TFPI2: variants seen among roughly 807,000 people sequenced by gnomAD.
TFPI2 encodes placental protein 5.
TFPI2 carries 23 observed loss-of-function variants against 23.1 expected under a neutral mutation model. The ratio of observed to expected loss-of-function variants is 1.00; its 90% CI spans 0.72 to 1.41. TFPI2 has a LOEUF of 1.41. Ranked by LOEUF, TFPI2 falls within the 40% of genes most tolerant of loss-of-function variation. TFPI2 has a pLI of 0.00. For missense variants in TFPI2, 291 were observed against 299.6 expected, an observed-to-expected ratio of 0.97 and a Z score of 0.21; for synonymous variants, 119 against 111.7, an observed-to-expected ratio of 1.07 and a Z score of -0.41.
intron 3 of TFPI2, among the ~76,000 whole-genome samples, chr7:93,888,589 G>GGAGAGAGAA (rs138314368): frequency 9.7e-6 from 1 of 103,286 alleles, no homozygotes; most frequent in Non-Finnish European, 1.8e-5. Context: ...AGGAAGGAAA[G>GGAGAGAGAA]AGAAAGAAAG....
At chr7:93,888,201 G>A (rs948389759) in intron 3 of TFPI2, among the ~76,000 whole-genome samples, 2 of 152,078 alleles carry the variant, frequency 1.3e-5, no homozygotes, top group South Asian at 2.1e-4. Context: ...AAATCTAACC[G>A]AAAACTTTAG....
intron 3 of TFPI2, among the ~76,000 whole-genome samples, chr7:93,888,082 G>C (rs1020209466): frequency 2.6e-5 from 4 of 152,176 alleles, no homozygotes; most frequent in African/African-American, 7.2e-5. Context: ...CTACTCAAGA[G>C]ACTATCATTT....
chr7:93,889,315 G>A, intron 2 of TFPI2, 92 bp from the exon 3 acceptor site: 1 of 1,211,160 alleles, frequency 8.3e-7, no homozygotes, highest in Non-Finnish European at 1.1e-6. Flanking sequence ...TGTGGGGGGA[G>A]AGAAGTTGTA....
intron 1 of TFPI2, 100 bp downstream of exon 1, chr7:93,890,491 C>G (rs76645328): frequency 0.028 from 40,923 of 1,464,596 alleles, 1,542 homozygotes; most frequent in East Asian, 0.2. Context: ...CGGCAGGGAC[C>G]TGGAGAAAGC....
Position 93,885,661 on chromosome 7 carries a change from T to C in TFPI2, c.*1159A>G, listed in dbSNP as rs1584073356. ...GAGTCAGAAGATATGCATATATAGATATTTTGCTAACTCCTCATCCATAAA... is the reference window on the plus strand; with the variant it reads ...GAGTCAGAAGATATGCATATATAGACATTTTGCTAACTCCTCATCCATAAA... On this transcript the variant is annotated 3_prime_UTR_variant, in exon 5 of 5. Transcript: ENST00000222543. 2 of 152,034 alleles carry C rather than the reference T, an allele frequency of 1.3e-5. No homozygotes were observed. Among genetic ancestry groups the C allele is most frequent in the African/African-American group, 4.8e-5 (2 of 41,426 alleles). 9.4% of individuals were successfully genotyped at this position (152,034 alleles called of 1,614,324 possible). A position where few individuals can be genotyped will look rare whatever the true frequency, so the allele number is the denominator to read the frequency against.
intron 4 of TFPI2, 120 bp downstream of exon 4, chr7:93,887,141 T>G: frequency 9.9e-7 from 1 of 1,012,416 alleles, no homozygotes; most frequent in Non-Finnish European, 1.4e-6. Flanking sequence ...GAGATACTTA[T>G]GTAGAAGTAG....
chr7:93,889,842 A>ACCT, intron 2 of TFPI2: 1 of 272,506 alleles, frequency 3.7e-6, no homozygotes. Context: ...CTTACGTTGT[A>ACCT]CCTAACACGT....
At position 93,890,205 on chromosome 7, in the gene TFPI2, C is replaced by T. The variant is rs757497424; in HGVS notation, c.203G>A (p.Gly68Asp). ...GAAATTGTTGGCGTTGCCCTCGCAG[C>T]CCCCGTACAGGAACTGGCGGCAGCT... ...TQSCRQFLYG[G>D]CEGNANNFYT... The change falls in exon 2 of 5, where the codon GGC becomes GAC. Residue 68 changes from glycine (G) to aspartate (D), a missense_variant. Gly to Asp is a moderately conservative substitution (Grantham distance 94, BLOSUM62 -1). Coordinates refer to ENST00000222543, the MANE Select transcript of TFPI2 (RefSeq NM_006528.4). The T allele has an allele frequency of 1.9e-6, 3 of 1,613,702 alleles. No individual in the cohort carries two copies. The highest frequency in any genetic ancestry group is 2.2e-5 in the South Asian group (2 of 91,016).
chr7:93,888,524 AGAAG>A lies in TFPI2; in HGVS notation c.460+507_460+510del, dbSNP rs745771609. 9.1e-4 allele frequency among the ~76,000 whole-genome samples: 106 copies of A among 116,624 alleles called. 1 individual carries two copies. The Middle Eastern group carries it at 0.012, about 14-fold the overall frequency. The allele number at this position is 116,624 out of a possible 152,430, so 76.5% of individuals were successfully genotyped here. ...AGAAAGAAAGAAAGAAAAGAAAGAA[AGAAG>A]GAAGGAAGGAAGGAAAGAAGGAAGG... On this transcript the variant is annotated intron_variant, in intron 3 of 4. Coordinates refer to ENST00000222543, the MANE Select transcript of TFPI2 (RefSeq NM_006528.4).
rs1562780077 is a variant in TFPI2 at position 93,890,665 on chromosome 7, C to CGAGCGGGGTCCATGGTGCAGGGGGT, written c.-12_13dup (p.Arg5HisfsTer36). The CGAGCGGGGTCCATGGTGCAGGGGGT allele has an allele frequency of 1.2e-6, 2 of 1,612,400 alleles. No homozygotes were observed. Among genetic ancestry groups the CGAGCGGGGTCCATGGTGCAGGGGGT allele is most frequent in the Non-Finnish European group, 8.5e-7 (1 of 1,179,572 alleles). On this transcript the variant is annotated frameshift_variant, in exon 1 of 5. Transcript: ENST00000222543. LOFTEE classifies it high-confidence loss of function. ...CAGCAGAATCGACAGCCCCAGGGGGCGAGCGGGGTCCATGGTGCAGGGGGT... is the reference window on the plus strand; with the variant it reads ...CAGCAGAATCGACAGCCCCAGGGGGCGAGCGGGGTCCATGGTGCAGGGGGTGAGCGGGGTCCATGGTGCAGGGGGT...
In TFPI2 at chr7:93,890,639, G is replaced by A; in HGVS notation, c.40C>T (p.Leu14Phe). The A allele has an allele frequency of 4.3e-6, 7 of 1,613,452 alleles. No homozygotes were observed. Among genetic ancestry groups the A allele is most frequent in the Non-Finnish European group, 5.9e-6 (7 of 1,179,824 alleles). ...ARPLGLSILL[L>F]FLTEAALGDA... ...CCCAGTGCAGCCTCCGTCAGGAAAAGCAGCAGAATCGACAGCCCCAGGGGG... is the reference window on the plus strand; with the variant it reads ...CCCAGTGCAGCCTCCGTCAGGAAAAACAGCAGAATCGACAGCCCCAGGGGG... The change falls in exon 1 of 5, where the codon CTT (leucine) becomes TTT (phenylalanine). Residue 14 changes from leucine (L) to phenylalanine (F), a missense_variant. Transcript: ENST00000222543.
chr7:93,888,584 G>GGAA (rs1794052659), intron 3 of TFPI2, among the ~76,000 whole-genome samples: 1 of 81,394 alleles, frequency 1.2e-5, no homozygotes, highest in African/African-American at 9.3e-5. Context: ...AAGGAAGGAA[G>GGAA]GAAAGAGAAA....
rs190282882 is a variant in TFPI2, at chr7:93,889,314, A to G, written c.272-91T>C. 19 of 1,217,150 alleles carry G rather than the reference A, an allele frequency of 1.6e-5. No individual in the cohort carries two copies. In the African/African-American group the frequency reaches 2.5e-4, roughly 16 times the overall value. The allele number at this position is 1,217,150 out of a possible 1,614,324, so 75.4% of individuals were successfully genotyped here. ...ATTTTCAGCAACATTTTGTGGGGGG[A>G]GAGAAGTTGTATTAGTGTTGGGATA... On this transcript the variant is annotated intron_variant, in intron 2 of 4. Transcript: ENST00000222543.
At chr7:93,888,589 G>GAAAGAAAGAA (rs1554337287) in intron 3 of TFPI2, among the ~76,000 whole-genome samples, 3 of 103,346 alleles carry the variant, frequency 2.9e-5, no homozygotes, top group Admixed American at 1.1e-4. Context: ...AGGAAGGAAA[G>GAAAGAAAGAA]AGAAAGAAAG....
intron 3 of TFPI2, among the ~76,000 whole-genome samples, chr7:93,887,709 A>T (rs1026236123): frequency 6.6e-6 from 1 of 152,172 alleles, no homozygotes; most frequent in Non-Finnish European, 1.5e-5. Context: ...CAAATACCAG[A>T]TATGGTTAGG....
At chr7:93,886,992 T>A (rs1794005606) in intron 4 of TFPI2, 96 bp from the exon 5 acceptor site, 1 of 964,758 alleles carries the variant, frequency 1.0e-6, no homozygotes, top group Non-Finnish European at 1.5e-6. Context: ...GCTCACTTCA[T>A]CTTATTTTTA....
intron 4 of TFPI2, 43 bp from the exon 5 acceptor site, chr7:93,886,939 C>A (rs1232993984): frequency 7.3e-7 from 1 of 1,360,620 alleles, no homozygotes; most frequent in Non-Finnish European, 9.9e-7. Context: ...CATCTCCAGT[C>A]TGTAGGCTCA....
rs191103472 is a variant in TFPI2, at chr7:93,885,701, C to T, written c.*1119G>A. 151 of 152,032 alleles carry T rather than the reference C, an allele frequency of 9.9e-4. No individual in the cohort carries two copies. The highest frequency in any genetic ancestry group is 3.4e-3 in the African/African-American group (141 of 41,500). The allele number at this position is 152,032 out of a possible 1,614,324, so 9.4% of individuals were successfully genotyped here. ...TCATCCATAAAATCTTCAACCAGTCCCTGACTGAAGAGTACCTGGTTTGCT... is the reference window on the plus strand; with the variant it reads ...TCATCCATAAAATCTTCAACCAGTCTCTGACTGAAGAGTACCTGGTTTGCT... On this transcript the variant is annotated 3_prime_UTR_variant, in exon 5 of 5. Coordinates refer to ENST00000222543, the MANE Select transcript of TFPI2 (RefSeq NM_006528.4).
intron 1 of TFPI2, 67 bp from the exon 2 acceptor site, chr7:93,890,386 GAA>G (rs1794108886): frequency 6.5e-7 from 1 of 1,532,738 alleles, no homozygotes; most frequent in African/African-American, 1.4e-5. Context: ...TAGGAGGAAA[GAA>G]CATCCCGGGG....
Sources: gnomAD v4.1 joint callset for allele counts (sites outside exome capture counted in the v4.1 genomes callset) on GRCh38, gnomAD v4.1.1 for gene constraint, MANE v1.5 for transcripts, NCBI Gene and HGNC (gene_info 2026-07-23, HGNC 2026-07-21) for gene names.